The following XPR1 variants were observed in gnomAD, a reference collection of about 807,000 sequenced individuals.
The protein encoded by XPR1 is solute carrier family 53 member 1.
A neutral mutation model predicts 87.5 loss-of-function variants in XPR1; 28 were observed. That is an observed-to-expected ratio of 0.32 (90% CI 0.24 to 0.44). XPR1 has a LOEUF of 0.44. Among genes scored for constraint, XPR1 ranks in the 20% least tolerant of loss-of-function variants. The pLI is 1.00. For missense variants in XPR1, 559 were observed against 862.3 expected, an observed-to-expected ratio of 0.65 and a Z score of 4.41; for synonymous variants, 300 against 306.1, an observed-to-expected ratio of 0.98 and a Z score of 0.21.
At chr1:180,680,506 C>T (rs901023015) in intron 1 of XPR1, among the ~76,000 whole-genome samples, 1 of 151,886 alleles carries the variant, frequency 6.6e-6, no homozygotes, top group African/African-American at 2.4e-5. Flanking sequence ...GCTGGGACTA[C>T]AGGCACATGC....
At chr1:180,823,800 A>T (rs942439594) in intron 7 of XPR1, among the ~76,000 whole-genome samples, 1 of 152,136 alleles carries the variant, frequency 6.6e-6, no homozygotes, top group African/African-American at 2.4e-5. Flanking sequence ...GCAAATGACA[A>T]CCTCTCTGTG....
intron 3 of XPR1, among the ~76,000 whole-genome samples, chr1:180,789,921 A>G (rs921450867): frequency 2.0e-5 from 3 of 152,160 alleles, no homozygotes; most frequent in African/African-American, 7.2e-5. Context: ...TGCACCTGTA[A>G]CTGTGCCCTC....
intron 1 of XPR1, among the ~76,000 whole-genome samples, chr1:180,680,301 A>G (rs1656525196): frequency 6.6e-6 from 1 of 151,578 alleles, no homozygotes; most frequent in Non-Finnish European, 1.5e-5. Context: ...AATGTAAACT[A>G]GTACAGCTAC....
chr1:180,635,011 CTTTTAA>C (rs1654717621), intron 1 of XPR1, among the ~76,000 whole-genome samples: 3 of 151,926 alleles, frequency 2.0e-5, no homozygotes, highest in Admixed American at 2.0e-4. Flanking sequence ...TTTGATTTAA[CTTTTAA>C]TGGCTTTTAT....
intron 1 of XPR1, among the ~76,000 whole-genome samples, chr1:180,644,613 T>C (rs758210302): frequency 1.3e-5 from 2 of 152,072 alleles, no homozygotes; most frequent in African/African-American, 2.4e-5. Flanking sequence ...AGTGGAAATA[T>C]CTTTCTCAGT....
In XPR1 at chr1:180,760,063, AC is replaced by A. The variant is rs550955679; in HGVS notation, c.122-27687del. Among the ~76,000 whole-genome samples, 682 of 152,256 alleles carry A rather than the reference AC, an allele frequency of 4.5e-3. 1 individual carries two copies. Among genetic ancestry groups the A allele is most frequent in the Non-Finnish European group, 7.4e-3 (501 of 68,012 alleles). On this transcript the variant is annotated intron_variant, in intron 2 of 14. Transcript: ENST00000367590. ...AAAAGGCCTTTGACAAAATTCAGCA[AC>A]CCTTCATGCTAAAAACGCTCAATAA...
chr1:180,760,435 T>C (rs1013937109), intron 2 of XPR1, among the ~76,000 whole-genome samples: 4 of 152,192 alleles, frequency 2.6e-5, no homozygotes, highest in Admixed American at 6.5e-5. Flanking sequence ...ACAGAATCAA[T>C]GTACAAAAAT....
At chr1:180,732,990 C>A (rs989364571) in intron 2 of XPR1, among the ~76,000 whole-genome samples, 1 of 152,164 alleles carries the variant, frequency 6.6e-6, no homozygotes, top group Non-Finnish European at 1.5e-5. Flanking sequence ...CTGCCACAGC[C>A]AACCTCTGCA....
At chr1:180,785,011 T>TG (rs1649083957) in intron 2 of XPR1, among the ~76,000 whole-genome samples, 16 of 136,280 alleles carry the variant, frequency 1.2e-4, no homozygotes, top group African/African-American at 4.0e-4. Context: ...GTGTGTGTGT[T>TG]TGTGTGTGTG....
rs1249118872 is a variant in XPR1 at position 180,887,621 on chromosome 1, G to C, written c.*3555G>C. 1 of 152,120 alleles carries C rather than the reference G, an allele frequency of 6.6e-6. No individual in the cohort carries two copies. Among genetic ancestry groups the C allele is most frequent in the African/African-American group, 2.4e-5 (1 of 41,418 alleles). 9.4% of individuals were successfully genotyped at this position (152,120 alleles called of 1,614,324 possible). A position where few individuals can be genotyped will look rare whatever the true frequency, so the allele number is the denominator to read the frequency against. On this transcript the variant is annotated 3_prime_UTR_variant, in exon 15 of 15. Coordinates refer to ENST00000367590, the MANE Select transcript of XPR1 (RefSeq NM_004736.4). ...ACTTTTTTTCAGCACTCTACCATTA[G>C]GCTCCTTAGGCAAGCTGCTTAACTT...
chr1:180,635,086 T>A (rs1433669115), intron 1 of XPR1, among the ~76,000 whole-genome samples: 2 of 152,124 alleles, frequency 1.3e-5, no homozygotes, highest in Non-Finnish European at 2.9e-5. Context: ...AAAATTATTA[T>A]GTTTTTTAAT....
chr1:180,822,701 T>C (rs1650681050), intron 7 of XPR1, among the ~76,000 whole-genome samples: 2 of 152,316 alleles, frequency 1.3e-5, no homozygotes, highest in Admixed American at 6.5e-5. Flanking sequence ...GCATTTGATA[T>C]ATGTTGTTCA....
At chr1:180,828,223 C>T (rs937309501) in intron 9 of XPR1, among the ~76,000 whole-genome samples, 4 of 152,012 alleles carry the variant, frequency 2.6e-5, no homozygotes, top group African/African-American at 9.7e-5. Flanking sequence ...TAATGGTAGG[C>T]ACTGGGTGCC....
chr1:180,858,098 C>T (rs1415803733), intron 11 of XPR1, among the ~76,000 whole-genome samples: 2 of 152,104 alleles, frequency 1.3e-5, no homozygotes, highest in Non-Finnish European at 2.9e-5. Context: ...TGCCTGCAGT[C>T]CCAGCTACTC....
intron 1 of XPR1, among the ~76,000 whole-genome samples, chr1:180,634,657 G>T (rs1288561793): frequency 6.6e-6 from 1 of 152,058 alleles, no homozygotes; most frequent in Non-Finnish European, 1.5e-5. Context: ...TCAAGCACTG[G>T]TGGTGAAATT....
chr1:180,756,444 A>T (rs1357514742), intron 2 of XPR1, among the ~76,000 whole-genome samples: 2 of 152,028 alleles, frequency 1.3e-5, no homozygotes. Context: ...CTTCTTTGGG[A>T]TAAGTCTATT....
intron 14 of XPR1, among the ~76,000 whole-genome samples, chr1:180,881,155 A>G (rs1476389493): frequency 1.3e-5 from 2 of 152,070 alleles, no homozygotes; most frequent in Non-Finnish European, 2.9e-5. Context: ...GTAGGCAGGA[A>G]TGAGTCACAG....
chr1:180,638,076 T>C (rs562820660), intron 1 of XPR1, among the ~76,000 whole-genome samples: 2 of 152,342 alleles, frequency 1.3e-5, no homozygotes, highest in East Asian at 3.9e-4. Flanking sequence ...TAAAAAACTT[T>C]TTTGTTTTTT....
At chr1:180,714,549 C>T (rs552721310) in intron 2 of XPR1, among the ~76,000 whole-genome samples, 26 of 151,924 alleles carry the variant, frequency 1.7e-4, no homozygotes, top group Admixed American at 5.9e-4. Context: ...GGGCTACAGA[C>T]GCATGCCACC....
Sources: allele counts gnomAD v4.1 joint callset (sites outside exome capture counted in the v4.1 genomes callset), GRCh38; gene constraint gnomAD v4.1.1; transcripts MANE v1.5; gene names NCBI Gene and HGNC (gene_info 2026-07-23, HGNC 2026-07-21).